The following GALNT15 variants were observed in gnomAD, a reference collection of about 807,000 sequenced individuals.
GALNT15 encodes polypeptide N-acetylgalactosaminyltransferase 15.
In GALNT15, 67 loss-of-function variants were observed where a neutral mutation model predicts 66.8. The observed-to-expected ratio is 1.00, with a 90% confidence interval of 0.82 to 1.23. The LOEUF is 1.23. Ranked by LOEUF, GALNT15 falls within the 50% of genes most tolerant of loss-of-function variation. The pLI is 0.00. For missense variants in GALNT15, 827 were observed against 804.3 expected (o/e 1.03, Z -0.34); for synonymous variants, 313 against 311.5 (o/e 1.00, Z -0.05).
intron 6 of GALNT15, among the ~76,000 whole-genome samples, chr3:16,218,324 G>A (rs191703929): frequency 3.9e-5 from 6 of 152,118 alleles, no homozygotes; most frequent in Non-Finnish European, 8.8e-5. Flanking sequence ...TGGCCAGCTC[G>A]CTTCCTCTCC....
At chr3:16,232,711 C>T (rs1290991153), downstream of GALNT15, among the ~76,000 whole-genome samples, 1 of 151,052 alleles carries the variant, frequency 6.6e-6, no homozygotes, top group Non-Finnish European at 1.5e-5. Flanking sequence ...CCAGTTTGTT[C>T]CCCAGGCCTT....
chr3:16,246,321 G>GT, the GALNT15 span, among the ~76,000 whole-genome samples: 4,162 of 85,140 alleles, frequency 0.049, 137 homozygotes, highest in African/African-American at 0.073. Context: ...TTTGAAAGTG[G>GT]TTTTTTTTTT....
the GALNT15 span, among the ~76,000 whole-genome samples, chr3:16,244,279 T>C: frequency 1.3e-5 from 2 of 152,162 alleles, no homozygotes; most frequent in Non-Finnish European, 2.9e-5. Flanking sequence ...TGTCATTCAC[T>C]TGAGGGTGAC....
Position 16,196,000 on chromosome 3 carries a change from T to C in GALNT15, c.706+74T>C, listed in dbSNP as rs1424118451. The C allele has an allele frequency of 1.3e-6, 2 of 1,494,128 alleles. No individual in the cohort carries two copies. The highest frequency in any genetic ancestry group is 2.3e-5 in the East Asian group (1 of 42,968). The allele number at this position is 1,494,128 out of a possible 1,614,324, so 92.6% of individuals were successfully genotyped here. A position where few individuals can be genotyped will look rare whatever the true frequency, so the allele number is the denominator to read the frequency against. On this transcript the variant is annotated intron_variant, in intron 2 of 9. Transcript: ENST00000339732. This position sits in a 1 kb window ranked among gnomAD's most constrained non-coding sequence, Gnocchi z 4.6. ...GCGGGTGGAGTTCTCAAGCAAAAGA[T>C]TGAAGTTTGGAACTATTTTAGGCAA...
At chr3:16,196,587 G>A (rs749282747) in intron 2 of GALNT15, among the ~76,000 whole-genome samples, 7 of 152,130 alleles carry the variant, frequency 4.6e-5, no homozygotes, top group Admixed American at 1.3e-4. Context: ...TGGCTCTCAC[G>A]CTTGAGCATG....
At chr3:16,247,966 G>A in the GALNT15 span, among the ~76,000 whole-genome samples, 1 of 152,194 alleles carries the variant, frequency 6.6e-6, no homozygotes, top group Non-Finnish European at 1.5e-5. Context: ...GTGAACAGCT[G>A]CGGTCATTTG....
At chr3:16,243,508 C>T in the GALNT15 span, among the ~76,000 whole-genome samples, 2 of 152,222 alleles carry the variant, frequency 1.3e-5, no homozygotes, top group African/African-American at 4.8e-5. Flanking sequence ...CTATGCCCAC[C>T]CGCCAGCACC....
Position 16,224,738 on chromosome 3 carries a change from G to C in GALNT15, c.1773+1980G>C, listed in dbSNP as rs149776007. Among the ~76,000 whole-genome samples, 2,450 of 151,456 alleles carry C rather than the reference G, an allele frequency of 0.016. 59 individuals carry two copies. The highest frequency in any genetic ancestry group is 0.056 in the African/African-American group (2,323 of 41,232). ...TGCAACCTCTGCCTCCCGGGTTCAA[G>C]CGATTCTCCTGCCTCAGCCTCTTTA... is the stretch of plus-strand genomic sequence containing the variant. On this transcript the variant is annotated intron_variant, in intron 9 of 9. Transcript: ENST00000339732. This position sits in a 1 kb window ranked among gnomAD's most constrained non-coding sequence, Gnocchi z 5.2.
In GALNT15 at chr3:16,224,982, G is replaced by A. The variant is rs28879123; in HGVS notation, c.1773+2224G>A. ...GCTATAAAGAAATACTAGAGACTGG[G>A]TAATTTATAAGAAAAAAGGTGTAAT... On this transcript the variant is annotated intron_variant, in intron 9 of 9. Transcript: ENST00000339732. This position sits in a 1 kb window ranked among gnomAD's most constrained non-coding sequence, Gnocchi z 5.2. Among the ~76,000 whole-genome samples, 27,043 of 152,098 alleles carry A rather than the reference G, an allele frequency of 0.18. 2,707 individuals carry two copies. Among genetic ancestry groups the A allele is most frequent in the African/African-American group, 0.25 (10,173 of 41,446 alleles).
In GALNT15 at chr3:16,195,841, C is replaced by G; in HGVS notation, c.621C>G (p.Leu207=). Residue 207 remains leucine (L), a synonymous_variant, in exon 2 of 10, where the codon CTC becomes CTG. Coordinates refer to ENST00000339732, the MANE Select transcript of GALNT15 (RefSeq NM_054110.5). The surrounding 1 kb of genome is among the most constrained non-coding windows in gnomAD (Gnocchi z 4.6). ...TCCATGATGAGGCCTGGTCCACTCT[C>G]CTGCGGACTGTACACAGCATCCTCG... ...LCFHDEAWST[L]LRTVHSILDT... 1.2e-6 allele frequency: 2 copies of G among 1,614,148 alleles called. No homozygotes were observed. Among genetic ancestry groups the G allele is most frequent in the Non-Finnish European group, 1.7e-6 (2 of 1,180,002 alleles).
rs927364276 is a variant in GALNT15 at position 16,195,049 on chromosome 3, T to G, written c.540-711T>G. 1.3e-5 allele frequency among the ~76,000 whole-genome samples: 2 copies of G among 152,180 alleles called. No individual in the cohort carries two copies. The highest frequency in any genetic ancestry group is 1.3e-4 in the Admixed American group (2 of 15,278). ...TTGTGTGCCAGGTGCTATGCTAGGTTGTAGGAACATAAAAATAAAGAAAAT... is the reference window on the plus strand; with the variant it reads ...TTGTGTGCCAGGTGCTATGCTAGGTGGTAGGAACATAAAAATAAAGAAAAT... On this transcript the variant is annotated intron_variant, in intron 1 of 9. Transcript: ENST00000339732. This position sits in a 1 kb window ranked among gnomAD's most constrained non-coding sequence, Gnocchi z 4.6.
At chr3:16,215,906 C>CAAAAAAAAAAAACAAAAAAAAAA (rs1559690416) in intron 6 of GALNT15, among the ~76,000 whole-genome samples, 225 of 102,482 alleles carry the variant, frequency 2.2e-3, no homozygotes, top group East Asian at 3.8e-3. Context: ...GAGACTCCGC[C>CAAAAAAAAAAAACAAAAAAAAAA]AAAAAAAAAA....
Position 16,195,794 on chromosome 3 carries a change from A to ACAGCCAGCGT in GALNT15, c.577_586dup (p.Ile196SerfsTer9). On this transcript the variant is annotated frameshift_variant, in exon 2 of 10. Coordinates refer to ENST00000339732, the MANE Select transcript of GALNT15 (RefSeq NM_054110.5). LOFTEE classifies it high-confidence loss of function. This position sits in a 1 kb window ranked among gnomAD's most constrained non-coding sequence, Gnocchi z 4.6. ...GCAGCACCCTCAGGACAGCCTGCCC[A>ACAGCCAGCGT]CAGCCAGCGTCATCCTCTGTTTCCA... 1 of 1,613,822 alleles carries ACAGCCAGCGT rather than the reference A, an allele frequency of 6.2e-7. No individual in the cohort carries two copies. The highest frequency in any genetic ancestry group is 8.5e-7 in the Non-Finnish European group (1 of 1,179,830).
Position 16,175,699 on chromosome 3 carries a change from G to A in GALNT15, c.539+9G>A. ...GAGGTGCGGCACCCACTGTAAGTAA[G>A]GCCCTTGTTTTCCCTTCCCTGATCC... On this transcript the variant is annotated intron_variant, in intron 1 of 9. Transcript: ENST00000339732. The surrounding 1 kb of genome is among the most constrained non-coding windows in gnomAD (Gnocchi z 5.6). 2.6e-6 allele frequency: 4 copies of A among 1,553,872 alleles called. No individual in the cohort carries two copies. Among genetic ancestry groups the A allele is most frequent in the Non-Finnish European group, 3.5e-6 (4 of 1,150,836 alleles).
In GALNT15 at chr3:16,227,658, C is replaced by G; in HGVS notation, c.*158C>G. 4 of 1,447,738 alleles carry G rather than the reference C, an allele frequency of 2.8e-6. No homozygotes were observed. Among genetic ancestry groups the G allele is most frequent in the Non-Finnish European group, 3.6e-6 (4 of 1,110,512 alleles). 89.7% of individuals were successfully genotyped at this position (1,447,738 alleles called of 1,614,324 possible). A position where few individuals can be genotyped will look rare whatever the true frequency, so the allele number is the denominator to read the frequency against. On this transcript the variant is annotated 3_prime_UTR_variant, in exon 10 of 10. Coordinates refer to ENST00000339732, the MANE Select transcript of GALNT15 (RefSeq NM_054110.5). This position sits in a 1 kb window ranked among gnomAD's most constrained non-coding sequence, Gnocchi z 4.5. The stretch of plus-strand genomic sequence containing the variant: ...TATGAAAGAATATAGGAAGTTTCTC[C>G]TTTTCACACCTTATTTCATTGACTG...
At chr3:16,207,536 A>ATTGGACT (rs2063770234) in intron 3 of GALNT15, among the ~76,000 whole-genome samples, 1 of 2,232 alleles carries the variant, frequency 4.5e-4, no homozygotes, top group African/African-American at 2.1e-3. Flanking sequence ...AAAAAAAAAA[A>ATTGGACT]AAAAAAATTG....
chr3:16,197,130 C>T (rs368513390), intron 2 of GALNT15, among the ~76,000 whole-genome samples: 7 of 152,210 alleles, frequency 4.6e-5, no homozygotes, highest in Admixed American at 3.9e-4. Flanking sequence ...GGGCGGGGTC[C>T]GCCCAAGAGC....
chr3:16,213,697 C>T (rs1353914084), intron 6 of GALNT15, among the ~76,000 whole-genome samples: 2 of 152,172 alleles, frequency 1.3e-5, no homozygotes, highest in African/African-American at 4.8e-5. Flanking sequence ...GCAGCTCCCA[C>T]AAGCCCCTTA....
the GALNT15 span, among the ~76,000 whole-genome samples, chr3:16,243,630 C>T: frequency 6.6e-6 from 1 of 152,190 alleles, no homozygotes; most frequent in African/African-American, 2.4e-5. Flanking sequence ...TCCAAAGGAG[C>T]TTCTCAGGAG....
Sources: gnomAD v4.1 joint callset for allele counts (sites outside exome capture counted in the v4.1 genomes callset) on GRCh38, gnomAD v4.1.1 for gene constraint, Gnocchi (gnomAD v3.1) non-coding constraint, MANE v1.5 for transcripts, NCBI Gene and HGNC (gene_info 2026-07-23, HGNC 2026-07-21) for gene names.